CLEC20A: variants seen among roughly 807,000 people sequenced by gnomAD.
CLEC20A encodes C-type lectin domain containing 20A.
exon 8 of CLEC20A, chr1:178,479,389 CTTG>C (rs1648885197): frequency 2.6e-6 from 1 of 389,376 alleles, no homozygotes. Flanking sequence ...CATGTGTAGT[CTTG>C]TTTTGTGTTA....
chr1:178,494,611 C>T (rs1233430773), exon 2 of CLEC20A: 3 of 399,248 alleles, frequency 7.5e-6, no homozygotes, highest in African/African-American at 4.1e-5. Context: ...TGGACCATCT[C>T]AGGCCAGAAG....
intron 5 of CLEC20A, chr1:178,484,607 A>C (rs1289496680): frequency 3.3e-5 from 5 of 152,130 alleles, no homozygotes; most frequent in Admixed American, 3.3e-4. Context: ...GCTTGAACCC[A>C]GGAGTTCAAG....
intron 2 of CLEC20A, 27 bp from the exon 3 acceptor site, chr1:178,492,593 T>C (rs1333545050): frequency 7.5e-6 from 3 of 398,256 alleles, no homozygotes; most frequent in Non-Finnish European, 1.3e-5. Context: ...GACCACGAGT[T>C]ATGGGGAGGC....
chr1:178,481,814 C>T (rs1463525348), intron 7 of CLEC20A: 1 of 152,098 alleles, frequency 6.6e-6, no homozygotes, highest in African/African-American at 2.4e-5. Context: ...CAAAGCAAGA[C>T]CCTGACTCAA....
chr1:178,491,497 T>A (rs1649266530), intron 3 of CLEC20A, among the ~76,000 whole-genome samples: 1 of 152,166 alleles, frequency 6.6e-6, no homozygotes, highest in African/African-American at 2.4e-5. Flanking sequence ...CCCTGAGCTA[T>A]GCATGTGGCC....
chr1:178,495,183 C>T (rs1649357326), intron 1 of CLEC20A, among the ~76,000 whole-genome samples: 2 of 152,246 alleles, frequency 1.3e-5, no homozygotes, highest in Admixed American at 1.3e-4. Flanking sequence ...ATAGACAATG[C>T]TTGCTGAGCA....
intron 5 of CLEC20A, among the ~76,000 whole-genome samples, chr1:178,488,129 T>G (rs372217035): frequency 5.0e-4 from 76 of 152,302 alleles, no homozygotes; most frequent in African/African-American, 1.3e-3. Flanking sequence ...CTCTGATGAT[T>G]CTTCCTCAGG....
At position 178,496,816 on chromosome 1, in the gene CLEC20A, C is replaced by G. The variant is rs1020013008; in HGVS notation, c.40+84G>C. 3 of 398,762 alleles carry G rather than the reference C, an allele frequency of 7.5e-6. No individual in the cohort carries two copies. In the Admixed American group the frequency reaches 1.3e-4, roughly 18 times the overall value. 24.7% of individuals were successfully genotyped at this position (398,762 alleles called of 1,614,324 possible). ...TCCCTCCAACCTGGAAATCTGGGAA[C>G]TTCAGGGGTGCGCCCCCTTCCCTCA... On this transcript the variant is annotated intron_variant, in intron 1 of 7. Transcript: ENST00000623247.
intron 5 of CLEC20A, chr1:178,484,649 T>G (rs1649089081): frequency 6.6e-6 from 1 of 152,222 alleles, no homozygotes; most frequent in Non-Finnish European, 1.5e-5. Flanking sequence ...ACCACTGCTC[T>G]CCAGCCTGGG....
intron 5 of CLEC20A, among the ~76,000 whole-genome samples, chr1:178,487,892 A>T (rs1307748322): frequency 6.6e-6 from 1 of 152,222 alleles, no homozygotes; most frequent in East Asian, 1.9e-4. Context: ...TTTTGCCCTC[A>T]ATTACTCTAG....
At chr1:178,487,125 G>A (rs978588931) in intron 5 of CLEC20A, among the ~76,000 whole-genome samples, 5 of 152,210 alleles carry the variant, frequency 3.3e-5, no homozygotes, top group African/African-American at 1.2e-4. Context: ...AGGGCAAGAA[G>A]GAGTGGCTTC....
chr1:178,480,642 CG>C (rs1648944858), intron 7 of CLEC20A: 1 of 152,250 alleles, frequency 6.6e-6, no homozygotes, highest in African/African-American at 2.4e-5. Context: ...ATTAGCCAGG[CG>C]TGGTGGCGGG....
At chr1:178,489,573 G>T (rs1008495) in intron 4 of CLEC20A, among the ~76,000 whole-genome samples, 34,289 of 151,898 alleles carry the variant, frequency 0.23, 4,172 homozygotes, top group Middle Eastern at 0.37. Context: ...GACAGAACAA[G>T]GACAATGGCT....
intron 5 of CLEC20A, chr1:178,483,511 A>T: frequency 8.3e-6 from 3 of 362,372 alleles, no homozygotes; most frequent in Non-Finnish European, 9.8e-6. Flanking sequence ...TCTTTCAGAA[A>T]GCCCCCCTGG....
intron 6 of CLEC20A, 26 bp from the exon 7 acceptor site, chr1:178,482,423 A>AG: frequency 2.5e-6 from 1 of 398,550 alleles, no homozygotes; most frequent in African/African-American, 2.1e-5. Context: ...CTACCTGTTC[A>AG]GGGGGATATT....
At chr1:178,499,218 C>T (rs1406139945), upstream of CLEC20A, among the ~76,000 whole-genome samples, 2 of 152,338 alleles carry the variant, frequency 1.3e-5, no homozygotes, top group East Asian at 3.9e-4. Context: ...ACGGACTGTG[C>T]CAAAGTCACA....
rs1161089274 is a variant in CLEC20A, at chr1:178,484,648, C to T, written c.929-1366G>A. 2.6e-5 allele frequency: 4 copies of T among 152,114 alleles called. No homozygotes were observed. The East Asian group carries it at 7.7e-4, about 29-fold the overall frequency. 9.4% of individuals were successfully genotyped at this position (152,114 alleles called of 1,614,324 possible). ...AGTGAGCTATGATCATACCACTGCT[C>T]TCCAGCCTGGGCAACAGAGTGAGAC... On this transcript the variant is annotated intron_variant, in intron 5 of 7. Coordinates refer to ENST00000623247, the Ensembl canonical transcript of CLEC20A.
At chr1:178,484,172 T>C (rs1649071390) in intron 5 of CLEC20A, 1 of 152,222 alleles carries the variant, frequency 6.6e-6, no homozygotes, top group African/African-American at 2.4e-5. Context: ...AAGGTGCATA[T>C]ATATGTGTGT....
Position 178,484,423 on chromosome 1 carries a change from T to G in CLEC20A, c.929-1141A>C, listed in dbSNP as rs571417654. 3.3e-5 allele frequency: 5 copies of G among 152,230 alleles called. No homozygotes were observed. In the South Asian group the frequency reaches 1.0e-3, roughly 32 times the overall value. The allele number at this position is 152,230 out of a possible 1,614,324, so 9.4% of individuals were successfully genotyped here. On this transcript the variant is annotated intron_variant, in intron 5 of 7. Transcript: ENST00000623247. ...GCATCTTTTGGCTAGGTGTGATGGCTCACACCTGTAATCTCAACACTGGGA... is the reference window on the plus strand; with the variant it reads ...GCATCTTTTGGCTAGGTGTGATGGCGCACACCTGTAATCTCAACACTGGGA...
Sources: gnomAD v4.1 joint callset for allele counts (sites outside exome capture counted in the v4.1 genomes callset) on GRCh38, gnomAD v4.1.1 for gene constraint, MANE v1.5 for transcripts, NCBI Gene and HGNC (gene_info 2026-07-23, HGNC 2026-07-21) for gene names.